ADAM19: variants seen among roughly 807,000 people sequenced by gnomAD.
ADAM19 encodes the protein ADAM metallopeptidase domain 19.
ADAM19 carries 65 observed loss-of-function variants against 114.7 expected under a neutral mutation model. The observed-to-expected ratio is 0.57, with a 90% CI of 0.46 to 0.70. ADAM19 has a LOEUF of 0.70. Ranked by LOEUF, ADAM19 falls within the 30% of genes least tolerant of loss-of-function variation. ADAM19 has a pLI of 0.00. For missense variants in ADAM19, 1,063 were observed against 1,204.7 expected (o/e 0.88, Z 1.74); for synonymous variants, 466 against 460.5 (o/e 1.01, Z -0.15).
chr5:157,510,335 G>A (rs1384504935), intron 8 of ADAM19, among the ~76,000 whole-genome samples: 1 of 152,152 alleles, frequency 6.6e-6, no homozygotes, highest in African/African-American at 2.4e-5. Flanking sequence ...TTAGCTGGGC[G>A]TGGTGGCGCA....
chr5:157,524,556 C>T lies in ADAM19; in HGVS notation c.408-4525G>A, dbSNP rs533498673. ...AGGGGACACATTCTACATCCCTATA[C>T]CCAGAGGTGCCCTAAAAAGTAACTA... is the stretch of plus-strand genomic sequence containing the variant. On this transcript the variant is annotated intron_variant, in intron 5 of 22. Transcript: ENST00000257527. Among the ~76,000 whole-genome samples, 14 of 152,342 alleles carry T rather than the reference C, an allele frequency of 9.2e-5. No individual in the cohort carries two copies. In the South Asian group the frequency reaches 2.5e-3, roughly 27 times the overall value.
chr5:157,494,057 A>G (rs1162759549), intron 15 of ADAM19, among the ~76,000 whole-genome samples: 1 of 152,266 alleles, frequency 6.6e-6, no homozygotes, highest in Non-Finnish European at 1.5e-5. Context: ...TATATTGTTA[A>G]TTAGAAGTTC....
intron 3 of ADAM19, among the ~76,000 whole-genome samples, chr5:157,547,409 G>A (rs1753276844): frequency 6.6e-6 from 1 of 152,140 alleles, no homozygotes; most frequent in African/African-American, 2.4e-5. Flanking sequence ...AGGCCATGAG[G>A]GCTCCACCAT....
chr5:157,552,243 T>C (rs1757220058), intron 3 of ADAM19, among the ~76,000 whole-genome samples: 1 of 152,150 alleles, frequency 6.6e-6, no homozygotes, highest in Non-Finnish European at 1.5e-5. Context: ...GGTGAGGATG[T>C]GGGGAAAAGG....
rs972345938 is a variant in ADAM19, at chr5:157,477,544, G to A, written c.*3405C>T. 6 of 1,184,606 alleles carry A rather than the reference G, an allele frequency of 5.1e-6. No individual in the cohort carries two copies. Among genetic ancestry groups the A allele is most frequent in the African/African-American group, 3.2e-5 (2 of 62,818 alleles). The allele number at this position is 1,184,606 out of a possible 1,614,324, so 73.4% of individuals were successfully genotyped here. On this transcript the variant is annotated 3_prime_UTR_variant, in exon 23 of 23. Coordinates refer to ENST00000257527, the MANE Select transcript of ADAM19 (RefSeq NM_033274.5). ...GACGGTGTGAGAGGACGCGTTGGGG[G>A]TGACTTTGGAAATGTGGGCTTGGAT...
chr5:157,534,112 T>A (rs2113759458), intron 4 of ADAM19, among the ~76,000 whole-genome samples: 1 of 152,324 alleles, frequency 6.6e-6, no homozygotes, highest in South Asian at 2.1e-4. Flanking sequence ...GCATGCTTTA[T>A]AATTTACAGA....
rs998081003 is a variant in ADAM19, at chr5:157,570,929, T to C, written c.146A>G (p.Gln49Arg). The C allele has an allele frequency of 3.7e-6, 6 of 1,614,086 alleles. No individual in the cohort carries two copies. Among genetic ancestry groups the C allele is most frequent in the South Asian group, 1.1e-5 (1 of 91,088 alleles). Residue 49 changes from glutamine to arginine, a missense_variant, in exon 2 of 23, where the codon CAG (glutamine) becomes CGG (arginine). By Grantham distance (43) the Gln-to-Arg change is conservative. Around this residue, in one of 3 missense-constraint regions of ADAM19, gnomAD observed 615 missense variants for 706.3 expected, o/e 0.87. Coordinates refer to ENST00000257527, the MANE Select transcript of ADAM19 (RefSeq NM_033274.5). ...PKLQHELIIP[Q>R]WKTSESPVRE... is the part of the protein sequence containing the mutation. ...CACGGGGCTTTCTGAAGTCTTCCAC[T>C]GAGGTATGATAAGTTCATGCTGCAG... is the stretch of plus-strand genomic sequence containing the variant.
intron 5 of ADAM19, among the ~76,000 whole-genome samples, chr5:157,525,467 A>G (rs1294351878): frequency 6.6e-6 from 1 of 152,214 alleles, no homozygotes; most frequent in Non-Finnish European, 1.5e-5. Context: ...CACCCAAAAA[A>G]GAACTTGCCC....
At chr5:157,530,919 C>T (rs1756606463) in intron 4 of ADAM19, 36 bp from the exon 5 acceptor site, 6 of 1,545,976 alleles carry the variant, frequency 3.9e-6, no homozygotes, top group African/African-American at 2.7e-5. Context: ...GGCTAAAGAA[C>T]ACTGATAAGC....
chr5:157,491,842 C>T lies in ADAM19; in HGVS notation c.1979G>A (p.Gly660Asp), dbSNP rs2287749. Residue 660 changes from glycine to aspartate, a missense_variant, in exon 17 of 23, where the codon GGC becomes GAC. This residue lies in a region of ADAM19 where 424 missense variants were observed against 445.5 expected (regional missense o/e 0.95). Transcript: ENST00000257527. ...CCAGAACCCAGCACGCACCCCATGGCCATTGCACTTCTTCCCACAGCCTTC... is the reference window on the plus strand; with the variant it reads ...CCAGAACCCAGCACGCACCCCATGGTCATTGCACTTCTTCCCACAGCCTTC... ...ETEGCGKKCN[G>D]HGVCNNNQNC... 0.12 allele frequency: 191,613 copies of T among 1,614,026 alleles called. 12,555 individuals are homozygous for T. Among genetic ancestry groups the T allele is most frequent in the Non-Finnish European group, 0.13 (156,805 of 1,179,892 alleles).
intron 3 of ADAM19, among the ~76,000 whole-genome samples, chr5:157,541,751 T>C (rs548530967): frequency 6.6e-6 from 1 of 152,318 alleles, no homozygotes; most frequent in South Asian, 2.1e-4. Context: ...TTAAGTTCTA[T>C]TTATCGTCAG....
At position 157,490,306 on chromosome 5, in the gene ADAM19, A is replaced by G; in HGVS notation, c.2240+4T>C. 1.2e-6 allele frequency: 2 copies of G among 1,614,090 alleles called. No individual in the cohort carries two copies. The highest frequency in any genetic ancestry group is 1.7e-6 in the Non-Finnish European group (2 of 1,179,990). ...CCTGAGTCCTCCATTGAACCCTGTC[A>G]TACCTGAACTGTTGCCTCAGCTTGG... On this transcript the variant is annotated splice_donor_region_variant and intron_variant, in intron 19 of 22. Transcript: ENST00000257527.
At chr5:157,530,686 C>A (rs1456760985) in intron 5 of ADAM19, 121 bp downstream of exon 5, 7 of 765,388 alleles carry the variant, frequency 9.1e-6, no homozygotes, top group Non-Finnish European at 1.1e-5. Context: ...CCTCTCTGGG[C>A]TGGCTTGCAC....
chr5:157,491,764 G>C (rs1325260791), intron 17 of ADAM19, 41 bp from the exon 18 acceptor site: 4 of 1,611,272 alleles, frequency 2.5e-6, no homozygotes, highest in Non-Finnish European at 3.4e-6. Flanking sequence ...ACCCCAGAGA[G>C]CATCAGCCAC....
At chr5:157,503,418 A>G (rs978788826) in intron 11 of ADAM19, among the ~76,000 whole-genome samples, 1 of 151,984 alleles carries the variant, frequency 6.6e-6, no homozygotes, top group Non-Finnish European at 1.5e-5. Context: ...GGTGCAGCAC[A>G]CCAACATGGC....
At chr5:157,541,404 C>G (rs1756914067) in intron 3 of ADAM19, among the ~76,000 whole-genome samples, 2 of 152,236 alleles carry the variant, frequency 1.3e-5, no homozygotes, top group Non-Finnish European at 2.9e-5. Context: ...CTGCCCCCTG[C>G]TCTGTCTGCT....
chr5:157,523,934 A>C (rs1228709469), intron 5 of ADAM19, among the ~76,000 whole-genome samples: 2 of 152,228 alleles, frequency 1.3e-5, no homozygotes, highest in South Asian at 2.1e-4. Flanking sequence ...ACAGAGGCTC[A>C]GAAGGACCCT....
At chr5:157,526,297 A>C (rs924359933) in intron 5 of ADAM19, among the ~76,000 whole-genome samples, 2 of 152,192 alleles carry the variant, frequency 1.3e-5, no homozygotes, top group African/African-American at 4.8e-5. Context: ...GAAGGGTAGG[A>C]CAAGATAAAC....
At chr5:157,544,374 T>C (rs1478742925) in intron 3 of ADAM19, among the ~76,000 whole-genome samples, 1 of 152,218 alleles carries the variant, frequency 6.6e-6, no homozygotes, top group Non-Finnish European at 1.5e-5. Flanking sequence ...CACCAACCAC[T>C]TCCCACGACA....
Sources: gnomAD v4.1 joint callset for allele counts (sites outside exome capture counted in the v4.1 genomes callset) on GRCh38, gnomAD v4.1.1 for gene constraint, gnomAD v4.1.1 regional missense constraint, MANE v1.5 for transcripts, NCBI Gene and HGNC (gene_info 2026-07-23, HGNC 2026-07-21) for gene names.